SBF2: variants seen among roughly 807,000 people sequenced by gnomAD.
SBF2 encodes the protein SET binding factor 2, also known as myotubularin-related protein 13.
SBF2 carries 112 observed loss-of-function variants against 225.2 expected under a neutral mutation model. That is an observed-to-expected ratio of 0.50 (90% CI 0.43 to 0.58). The LOEUF is 0.58. Among genes scored for constraint, SBF2 ranks in the 20% least tolerant of loss-of-function variants. The probability of loss-of-function intolerance (pLI) is 0.00; values close to 1 mark genes in which losing one functional copy is unlikely to be tolerated. For synonymous variants in SBF2, 763 were observed against 773.3 expected, an observed-to-expected ratio of 0.99 and a Z score of 0.22; for missense variants, 1,996 against 2,206.2, an observed-to-expected ratio of 0.90 and a Z score of 1.91.
intron 36 of SBF2, among the ~76,000 whole-genome samples, chr11:9,787,359 C>A (rs547672694): frequency 6.6e-6 from 1 of 152,166 alleles, no homozygotes; most frequent in Non-Finnish European, 1.5e-5. Context: ...TGAAACCACA[C>A]GGGCACTGAG....
chr11:9,884,671 T>C (rs1395077011), intron 17 of SBF2, among the ~76,000 whole-genome samples: 1 of 152,174 alleles, frequency 6.6e-6, no homozygotes, highest in African/African-American at 2.4e-5. Context: ...AAAATACTCA[T>C]GCTGACTAGA....
At position 10,303,410 on chromosome 11, in the gene SBF2, C is replaced by A. The variant is rs1039491986; in HGVS notation, n.386+1082G>T. 6.6e-6 allele frequency: 1 copy of A among 152,360 alleles called. No homozygotes were observed. The highest frequency in any genetic ancestry group is 2.4e-5 in the African/African-American group (1 of 41,466). 9.4% of individuals were successfully genotyped at this position (152,360 alleles called of 1,614,324 possible). A position where few individuals can be genotyped will look rare whatever the true frequency, so the allele number is the denominator to read the frequency against. The stretch of plus-strand genomic sequence containing the variant: ...AATAACTTCCGCGCGGCCATTTCTT[C>A]CCCAGGTGCAATGTCCACTGTTGAG... On this transcript the variant is annotated intron_variant and non_coding_transcript_variant, in intron 1 of 5. Transcript: ENST00000685217. The surrounding 1 kb of genome is among the most constrained non-coding windows in gnomAD (Gnocchi z 5.2).
chr11:9,889,081 T>C (rs1017708979), intron 17 of SBF2, among the ~76,000 whole-genome samples: 1 of 152,300 alleles, frequency 6.6e-6, no homozygotes, highest in African/African-American at 2.4e-5. Context: ...CAGATTTTAC[T>C]TTACTCATGT....
At chr11:10,159,875 G>A (rs936208638) in intron 2 of SBF2, among the ~76,000 whole-genome samples, 1 of 151,562 alleles carries the variant, frequency 6.6e-6, no homozygotes, top group Non-Finnish European at 1.5e-5. Flanking sequence ...GGGCAACAGA[G>A]CAAGACTCCG....
At chr11:10,029,743 C>G (rs761504787) in intron 5 of SBF2, 22 bp downstream of exon 5, 2 of 1,437,310 alleles carry the variant, frequency 1.4e-6, no homozygotes, top group Non-Finnish European at 2.0e-6. Flanking sequence ...TCCTTCTCCA[C>G]CTCTCTTTCT....
In SBF2 at chr11:9,820,796, C is replaced by T. The variant is rs142305463; in HGVS notation, c.3794-3772G>A. Among the ~76,000 whole-genome samples, 20 of 152,314 alleles carry T rather than the reference C, an allele frequency of 1.3e-4. No individual in the cohort carries two copies. In the Middle Eastern group the frequency reaches 0.01, roughly 78 times the overall value. On this transcript the variant is annotated intron_variant, in intron 28 of 39. Coordinates refer to ENST00000256190, the MANE Select transcript of SBF2 (RefSeq NM_030962.4). Reference sequence around the variant, plus strand: ...TGTGTGTGAAAGGAAAATAAAAACTCAGGACTCCAGTTCACTACGTCAAAA... The same window carrying T: ...TGTGTGTGAAAGGAAAATAAAAACTTAGGACTCCAGTTCACTACGTCAAAA...
intron 2 of SBF2, among the ~76,000 whole-genome samples, chr11:10,100,911 T>C (rs893471037): frequency 6.6e-5 from 10 of 151,974 alleles, no homozygotes; most frequent in African/African-American, 2.4e-4. Context: ...GTAGGAGGAG[T>C]CTTGGTTCAG....
rs181223970 is a variant in SBF2, at chr11:9,871,165, G to A, written c.1930-12769C>T. Among the ~76,000 whole-genome samples, 1,040 of 152,034 alleles carry A rather than the reference G, an allele frequency of 6.8e-3. 10 individuals are homozygous for A. Among genetic ancestry groups the A allele is most frequent in the African/African-American group, 0.024 (983 of 41,486 alleles). ...ACAAATGGGATCTAATTAAACTAAA[G>A]AGCTTCTGCACAGCAAAAGAAACTA... On this transcript the variant is annotated intron_variant, in intron 17 of 39. Coordinates refer to ENST00000256190, the MANE Select transcript of SBF2 (RefSeq NM_030962.4).
chr11:9,790,844 A>G, intron 33 of SBF2, 161 bp from the exon 34 acceptor site: 1 of 572,016 alleles, frequency 1.7e-6, no homozygotes, highest in Non-Finnish European at 3.1e-6. Flanking sequence ...AAAGCTAAAG[A>G]CCGGAATGAA....
chr11:9,836,053 T>C (rs1247737071), intron 26 of SBF2, among the ~76,000 whole-genome samples: 1 of 152,182 alleles, frequency 6.6e-6, no homozygotes, highest in Non-Finnish European at 1.5e-5. Flanking sequence ...ATTAGACAAC[T>C]TTCCAAAGTT....
intron 1 of SBF2, among the ~76,000 whole-genome samples, chr11:10,196,575 C>T (rs991565709): frequency 6.6e-6 from 1 of 151,642 alleles, no homozygotes; most frequent in Non-Finnish European, 1.5e-5. Flanking sequence ...GACCGGGTTT[C>T]GCCACATTGC....
intron 1 of SBF2, among the ~76,000 whole-genome samples, chr11:10,252,420 G>C (rs2135489499): frequency 6.6e-6 from 1 of 152,348 alleles, no homozygotes; most frequent in South Asian, 2.1e-4. Flanking sequence ...TTAGGAGTAT[G>C]TGTCTGTAAT....
At position 10,241,732 on chromosome 11, in the gene SBF2, C is replaced by T. The variant is rs79133863; in HGVS notation, c.56-47745G>A. 1.2e-4 allele frequency among the ~76,000 whole-genome samples: 18 copies of T among 151,918 alleles called. No individual in the cohort carries two copies. The East Asian group carries it at 1.8e-3, about 15-fold the overall frequency. On this transcript the variant is annotated intron_variant, in intron 1 of 39. Transcript: ENST00000256190. ...AAACTGGCTCAAGAAACTGAAAATC[C>T]GAGAAGCAGATATCTATAAAATGCC...
In SBF2 at chr11:10,281,199, C is replaced by T. The variant is rs1016066047; in HGVS notation, c.55+12816G>A. 2.6e-5 allele frequency among the ~76,000 whole-genome samples: 4 copies of T among 152,064 alleles called. No individual in the cohort carries two copies. In the East Asian group the frequency reaches 7.7e-4, roughly 29 times the overall value. On this transcript the variant is annotated intron_variant, in intron 1 of 39. Coordinates refer to ENST00000256190, the MANE Select transcript of SBF2 (RefSeq NM_030962.4). Reference sequence around the variant, plus strand: ...AAAATAAATCCAGAGGGTAGCTATCCAGGTCTGCTATGACAATCCCACTAT... The same window carrying T: ...AAAATAAATCCAGAGGGTAGCTATCTAGGTCTGCTATGACAATCCCACTAT...
At chr11:10,231,099 A>C (rs974657021) in intron 1 of SBF2, among the ~76,000 whole-genome samples, 20 of 152,198 alleles carry the variant, frequency 1.3e-4, no homozygotes, top group African/African-American at 4.1e-4. Flanking sequence ...CAGTTGATCG[A>C]ATCGGCTACT....
intron 1 of SBF2, among the ~76,000 whole-genome samples, chr11:10,259,814 T>C (rs1393575027): frequency 6.6e-6 from 1 of 152,096 alleles, no homozygotes; most frequent in East Asian, 1.9e-4. Flanking sequence ...TTTGAGATTA[T>C]TATATTTGGA....
At chr11:10,017,702 A>T (rs1948705282) in intron 6 of SBF2, among the ~76,000 whole-genome samples, 1 of 152,158 alleles carries the variant, frequency 6.6e-6, no homozygotes, top group Non-Finnish European at 1.5e-5. Flanking sequence ...GTCCTTATGA[A>T]CACAGACTCA....
intron 2 of SBF2, among the ~76,000 whole-genome samples, chr11:10,067,666 AG>A (rs2134787485): frequency 6.6e-6 from 1 of 152,214 alleles, no homozygotes; most frequent in East Asian, 1.9e-4. Flanking sequence ...AGGCCAAGGC[AG>A]AAGGATTGCT....
rs1370402890 is a variant in SBF2 at position 10,033,886 on chromosome 11, G to C, written c.280-2716C>G. ...ATTTGGTGTGTGTTTTACAATGACA[G>C]ATTTTCACCCATTGGAAAGATGTGA... On this transcript the variant is annotated intron_variant, in intron 3 of 39. Transcript: ENST00000256190. 1.2e-3 allele frequency among the ~76,000 whole-genome samples: 175 copies of C among 152,164 alleles called. 3 individuals carry two copies. Among genetic ancestry groups the C allele is most frequent in the Non-Finnish European group, 2.1e-4 (14 of 67,970 alleles).
Sources: gnomAD v4.1 joint callset for allele counts (sites outside exome capture counted in the v4.1 genomes callset) on GRCh38, gnomAD v4.1.1 for gene constraint, Gnocchi (gnomAD v3.1) non-coding constraint, MANE v1.5 for transcripts, NCBI Gene and HGNC (gene_info 2026-07-23, HGNC 2026-07-21) for gene names.